ACKR2: variants seen among roughly 807,000 people sequenced by gnomAD.
The protein encoded by ACKR2 is atypical chemokine receptor 2.
For synonymous variants in ACKR2, 207 were observed against 192.2 expected, an observed-to-expected ratio of 1.08 and a Z score of -0.64; for missense variants, 457 against 477.3, an observed-to-expected ratio of 0.96 and a Z score of 0.40.
intron 2 of ACKR2, among the ~76,000 whole-genome samples, chr3:42,858,467 A>C (rs937643958): frequency 3.9e-5 from 6 of 152,190 alleles, no homozygotes; most frequent in Non-Finnish European, 8.8e-5. Context: ...AACAGAAAGG[A>C]ATAGCATCAA....
intron 2 of ACKR2, among the ~76,000 whole-genome samples, chr3:42,843,259 C>T (rs1398738191): frequency 1.3e-5 from 2 of 151,456 alleles, no homozygotes; most frequent in Non-Finnish European, 2.9e-5. Context: ...TTAGTAGAGA[C>T]GGGATTTCAC....
chr3:42,814,274 G>A (rs571747963), intron 1 of ACKR2, among the ~76,000 whole-genome samples: 10 of 152,148 alleles, frequency 6.6e-5, no homozygotes, highest in Non-Finnish European at 1.3e-4. Flanking sequence ...CGTATTGGGC[G>A]TCATTTTGAA....
In ACKR2 at chr3:42,864,894, G is replaced by T. The variant is rs138081289; in HGVS notation, c.392G>T (p.Gly131Val). Reference protein sequence around the residue: ...STLYTINFYSGIFFISCMSLD... With the variant: ...STLYTINFYSVIFFISCMSLD... ...CTTTATACTATTAACTTTTACAGTG[G>T]CATCTTTTTCATTAGCTGCATGAGC... is the stretch of plus-strand genomic sequence containing the variant. Residue 131 changes from glycine (G) to valine (V), a missense_variant, in exon 3 of 3, where the codon GGC becomes GTC. Transcript: ENST00000422265. The T allele has an allele frequency of 3.1e-6, 5 of 1,614,112 alleles. No homozygotes were observed. Among genetic ancestry groups the T allele is most frequent in the East Asian group, 2.2e-5 (1 of 44,886 alleles).
rs1701175102 is a variant in ACKR2 at position 42,852,676 on chromosome 3, G to A, written c.-37-11790G>A. 6.6e-6 allele frequency among the ~76,000 whole-genome samples: 1 copy of A among 152,152 alleles called. No individual in the cohort carries two copies. The highest frequency in any genetic ancestry group is 6.5e-5 in the Admixed American group (1 of 15,282). On this transcript the variant is annotated intron_variant, in intron 2 of 2. Coordinates refer to ENST00000422265, the MANE Select transcript of ACKR2 (RefSeq NM_001296.5). This position sits in a 1 kb window ranked among gnomAD's most constrained non-coding sequence, Gnocchi z 4.3. ...CTTCCAGCCAGACTTTGTGTAATCT[G>A]GTGTACCAGACGTGGCTCTGGGCAT...
chr3:42,841,207 T>C (rs1336458099), intron 2 of ACKR2, among the ~76,000 whole-genome samples: 1 of 152,264 alleles, frequency 6.6e-6, no homozygotes, highest in Non-Finnish European at 1.5e-5. Context: ...ATGTGTATCT[T>C]TATTAATGCC....
intron 1 of ACKR2, among the ~76,000 whole-genome samples, chr3:42,813,138 G>T (rs1700713140): frequency 6.6e-6 from 1 of 152,092 alleles, no homozygotes; most frequent in South Asian, 2.1e-4. Flanking sequence ...AGGGCCTTTG[G>T]GACAAAATAT....
intron 1 of ACKR2, among the ~76,000 whole-genome samples, chr3:42,816,257 G>A (rs188252949): frequency 6.6e-6 from 1 of 151,444 alleles, no homozygotes; most frequent in African/African-American, 2.4e-5. Context: ...GTTACTGAGG[G>A]TTTCCATAAA....
At chr3:42,856,690 G>A (rs1026797999) in intron 2 of ACKR2, among the ~76,000 whole-genome samples, 4 of 151,896 alleles carry the variant, frequency 2.6e-5, no homozygotes, top group African/African-American at 9.7e-5. Flanking sequence ...AAATTCAGAA[G>A]TACGGGGTAG....
chr3:42,823,615 C>T (rs1700831907), intron 2 of ACKR2, among the ~76,000 whole-genome samples: 1 of 152,202 alleles, frequency 6.6e-6, no homozygotes. Context: ...GCACTGTGTG[C>T]TCTTCTAAGC....
chr3:42,845,848 C>CAAAAAAA (rs35395771), intron 2 of ACKR2, among the ~76,000 whole-genome samples: 19 of 48,216 alleles, frequency 3.9e-4, no homozygotes, highest in Admixed American at 8.9e-4. Flanking sequence ...GACTCCGTCT[C>CAAAAAAA]AAAAAAAAAA....
intron 2 of ACKR2, among the ~76,000 whole-genome samples, chr3:42,854,488 G>A (rs1448099466): frequency 6.6e-6 from 1 of 152,104 alleles, no homozygotes; most frequent in Non-Finnish European, 1.5e-5. Context: ...GAAAGGGAGT[G>A]TGGGGGGGAA....
intron 1 of ACKR2, among the ~76,000 whole-genome samples, chr3:42,816,760 G>A (rs944573124): frequency 2.0e-5 from 3 of 152,032 alleles, no homozygotes; most frequent in East Asian, 1.9e-4. Context: ...GTTTCACCAC[G>A]TTGGCCAGGC....
intron 2 of ACKR2, among the ~76,000 whole-genome samples, chr3:42,849,511 A>G (rs1478229228): frequency 1.3e-5 from 2 of 152,196 alleles, no homozygotes; most frequent in African/African-American, 4.8e-5. Flanking sequence ...CAAAAAAAAA[A>G]AGCAAAACCT....
Position 42,810,672 on chromosome 3 carries a change from A to C in ACKR2, c.-119+1140A>C, listed in dbSNP as rs371666532. The stretch of plus-strand genomic sequence containing the variant: ...GTACGACCCGACCACTACCAATAAA[A>C]AAAGAATACAAAGGCAAGACTTGCG... On this transcript the variant is annotated intron_variant, in intron 1 of 2. Coordinates refer to ENST00000422265, the MANE Select transcript of ACKR2 (RefSeq NM_001296.5). Among the ~76,000 whole-genome samples, 340 of 152,360 alleles carry C rather than the reference A, an allele frequency of 2.2e-3. 1 individual carries two copies. Among genetic ancestry groups the C allele is most frequent in the African/African-American group, 7.9e-3 (327 of 41,586 alleles).
At chr3:42,856,479 A>C in intron 2 of ACKR2, 1 of 696,072 alleles carries the variant, frequency 1.4e-6, no homozygotes. Context: ...TGCCTGAAAA[A>C]AGGGGATAAA....
chr3:42,830,994 T>C (rs1301938548), intron 2 of ACKR2, among the ~76,000 whole-genome samples: 1 of 151,618 alleles, frequency 6.6e-6, no homozygotes, highest in Non-Finnish European at 1.5e-5. Context: ...CTGAGAGTGA[T>C]CCTGGGACTA....
intron 1 of ACKR2, among the ~76,000 whole-genome samples, chr3:42,817,706 C>A: frequency 6.6e-6 from 1 of 152,188 alleles, no homozygotes; most frequent in East Asian, 1.9e-4. Context: ...TATCATCCCA[C>A]ATCTTCCCCC....
Position 42,852,127 on chromosome 3 carries a change from G to T in ACKR2, c.-37-12339G>T, listed in dbSNP as rs1701166820. ...GGTGAGAAAGCTAAGTATCAGAGAG[G>T]TTAAATAATGAGCTCGGAGTTGCAC... On this transcript the variant is annotated intron_variant, in intron 2 of 2. Transcript: ENST00000422265. The surrounding 1 kb of genome is among the most constrained non-coding windows in gnomAD (Gnocchi z 4.3). 6.6e-6 allele frequency among the ~76,000 whole-genome samples: 1 copy of T among 152,174 alleles called. No individual in the cohort carries two copies. The highest frequency in any genetic ancestry group is 2.1e-4 in the South Asian group (1 of 4,832).
Position 42,865,598 on chromosome 3 carries a change from G to A in ACKR2, c.1096G>A (p.Gly366Arg). ...QEEMTGMNDL[G>R]ERQSENYPNK... ...GGAAATGACTGGCATGAATGACCTT[G>A]GAGAGAGGCAGTCTGAGAACTACCC... Residue 366 changes from glycine to arginine, a missense_variant, in exon 3 of 3, where the codon GGA becomes AGA. Coordinates refer to ENST00000422265, the MANE Select transcript of ACKR2 (RefSeq NM_001296.5). 1 of 1,614,082 alleles carries A rather than the reference G, an allele frequency of 6.2e-7. No homozygotes were observed. Among genetic ancestry groups the A allele is most frequent in the Non-Finnish European group, 8.5e-7 (1 of 1,180,006 alleles).
Sources: gnomAD v4.1 joint callset for allele counts (sites outside exome capture counted in the v4.1 genomes callset) on GRCh38, gnomAD v4.1.1 for gene constraint, Gnocchi (gnomAD v3.1) non-coding constraint, MANE v1.5 for transcripts, NCBI Gene and HGNC (gene_info 2026-07-23, HGNC 2026-07-21) for gene names.